The following MAVS variants were observed in gnomAD, a reference collection of about 807,000 sequenced individuals.
MAVS encodes the protein mitochondrial antiviral-signaling protein.
In MAVS, 20 loss-of-function variants were observed where a neutral mutation model predicts 30.2. The observed-to-expected ratio is 0.66, with a 90% CI of 0.47 to 0.96. The LOEUF (loss-of-function observed/expected upper bound fraction) is 0.96. Among genes scored for constraint, MAVS ranks in the 40% least tolerant of loss-of-function variants. The pLI is 0.00. For synonymous variants in MAVS, 278 were observed against 293.9 expected, an observed-to-expected ratio of 0.95 and a Z score of 0.55; for missense variants, 624 against 701.1, an observed-to-expected ratio of 0.89 and a Z score of 1.24.
At chr20:3,853,379 A>G (rs889609492) in intron 1 of MAVS, among the ~76,000 whole-genome samples, 27 of 151,000 alleles carry the variant, frequency 1.8e-4, no homozygotes, top group Non-Finnish European at 3.0e-4. Flanking sequence ...CCAGCTACTC[A>G]GGAGGCTGAG....
rs183333101 is a variant in MAVS at position 3,850,058 on chromosome 20, C to T, written c.-68+3155C>T. 7.2e-3 allele frequency among the ~76,000 whole-genome samples: 1,095 copies of T among 151,392 alleles called. 10 individuals are homozygous for T. The highest frequency in any genetic ancestry group is 0.012 in the Non-Finnish European group (830 of 67,902). ...CTTTGGGAGGCCGAGGCGGGCAGATCACGAGGTCAGGAGATCGAGACCATC... is the reference window on the plus strand; with the variant it reads ...CTTTGGGAGGCCGAGGCGGGCAGATTACGAGGTCAGGAGATCGAGACCATC... On this transcript the variant is annotated intron_variant, in intron 1 of 6. Transcript: ENST00000428216.
chr20:3,856,351 G>A (rs1390973734), intron 2 of MAVS, among the ~76,000 whole-genome samples: 1 of 120,528 alleles, frequency 8.3e-6, no homozygotes, highest in African/African-American at 3.5e-5. Flanking sequence ...ACTGCGCCCA[G>A]CATTTTTTTT....
intron 2 of MAVS, 84 bp from the exon 3 acceptor site, chr20:3,857,551 C>CT: frequency 1.4e-6 from 2 of 1,464,652 alleles, no homozygotes; most frequent in Non-Finnish European, 9.1e-7. Context: ...CTTGGCACCC[C>CT]TCCCCCCGCT....
chr20:3,849,332 C>T (rs952692102), intron 1 of MAVS, among the ~76,000 whole-genome samples: 7 of 152,014 alleles, frequency 4.6e-5, no homozygotes, highest in African/African-American at 1.5e-4. Flanking sequence ...GCCTCAGCCT[C>T]CCGAGTAGCT....
At position 3,866,498 on chromosome 20, in the gene MAVS, C is replaced by A; in HGVS notation, c.*351C>A. The A allele has an allele frequency of 2.6e-6, 1 of 382,424 alleles. No homozygotes were observed. The highest frequency in any genetic ancestry group is 4.8e-6 in the Non-Finnish European group (1 of 206,738). 23.7% of individuals were successfully genotyped at this position (382,424 alleles called of 1,614,324 possible). ...TTGGCCCAGGTGGAGCAGGAGGGAC[C>A]ACTGGAACATGTGGTGCTTGGGAAT... On this transcript the variant is annotated 3_prime_UTR_variant, in exon 7 of 7. Coordinates refer to ENST00000428216, the MANE Select transcript of MAVS (RefSeq NM_020746.5).
intron 3 of MAVS, among the ~76,000 whole-genome samples, chr20:3,858,454 C>T (rs760171262): frequency 1.2e-4 from 18 of 151,904 alleles, no homozygotes; most frequent in African/African-American, 1.7e-4. Context: ...CCGAGGCAGG[C>T]GGATCATGAG....
At chr20:3,848,318 C>T (rs2089727122) in intron 1 of MAVS, among the ~76,000 whole-genome samples, 1 of 152,148 alleles carries the variant, frequency 6.6e-6, no homozygotes, top group African/African-American at 2.4e-5. Flanking sequence ...AGGCTGGTCT[C>T]AAACTCCTGA....
At chr20:3,847,082 T>C (rs2089715412) in intron 1 of MAVS, among the ~76,000 whole-genome samples, 179 bp downstream of exon 1, 1 of 151,440 alleles carries the variant, frequency 6.6e-6, no homozygotes, top group African/African-American at 2.4e-5. Flanking sequence ...GTCGCAAGAG[T>C]TTCGGGAACA....
chr20:3,854,535 A>T, intron 1 of MAVS, 23 bp from the exon 2 acceptor site: 1 of 813,164 alleles, frequency 1.2e-6, no homozygotes, highest in South Asian at 1.7e-5. Context: ...CCCTGTTGTA[A>T]TGTGTGATCT....
intron 1 of MAVS, among the ~76,000 whole-genome samples, chr20:3,851,049 G>C (rs1481192391): frequency 4.6e-5 from 7 of 151,872 alleles, no homozygotes; most frequent in African/African-American, 1.5e-4. Context: ...GGCCAGGCGC[G>C]TTGGCTGGCG....
At chr20:3,849,773 T>C (rs2089742111) in intron 1 of MAVS, among the ~76,000 whole-genome samples, 1 of 152,202 alleles carries the variant, frequency 6.6e-6, no homozygotes, top group Non-Finnish European at 1.5e-5. Context: ...TATCTGGAAC[T>C]CTTATTTGGG....
intron 3 of MAVS, among the ~76,000 whole-genome samples, chr20:3,858,950 C>T (rs2089837577): frequency 6.6e-6 from 1 of 151,838 alleles, no homozygotes; most frequent in South Asian, 2.1e-4. Flanking sequence ...CAGGCATGGA[C>T]AACTACACCT....
At chr20:3,861,025 C>T (rs1483942938) in intron 3 of MAVS, among the ~76,000 whole-genome samples, 3 of 148,172 alleles carry the variant, frequency 2.0e-5, no homozygotes, top group Admixed American at 6.8e-5. Flanking sequence ...CGGAGTCTCG[C>T]TCTGTCGCCC....
intron 1 of MAVS, among the ~76,000 whole-genome samples, chr20:3,847,714 C>T (rs912779509): frequency 1.3e-5 from 2 of 152,196 alleles, no homozygotes; most frequent in African/African-American, 4.8e-5. Flanking sequence ...TCCCTCCCGC[C>T]AAGTGACCTT....
intron 2 of MAVS, among the ~76,000 whole-genome samples, chr20:3,856,986 A>G (rs995254936): frequency 6.7e-6 from 1 of 150,004 alleles, no homozygotes; most frequent in Non-Finnish European, 1.5e-5. Context: ...CAGTAAGCTG[A>G]TATCACGGCA....
At chr20:3,856,732 G>A (rs1472498934) in intron 2 of MAVS, among the ~76,000 whole-genome samples, 1 of 152,002 alleles carries the variant, frequency 6.6e-6, no homozygotes, top group Non-Finnish European at 1.5e-5. Flanking sequence ...TGAGAATTCA[G>A]GTAGACATAA....
intron 2 of MAVS, among the ~76,000 whole-genome samples, chr20:3,855,642 T>C (rs115619321): frequency 0.015 from 2,322 of 152,338 alleles, 71 homozygotes; most frequent in African/African-American, 0.054. Context: ...AGCCCCATTG[T>C]TGTCTCCGCT....
At position 3,866,149 on chromosome 20, in the gene MAVS, G is replaced by A. The variant is rs2146778117; in HGVS notation, c.*2G>A. 5.7e-6 allele frequency: 9 copies of A among 1,575,996 alleles called. No homozygotes were observed. Among genetic ancestry groups the A allele is most frequent in the Non-Finnish European group, 6.9e-6 (8 of 1,164,166 alleles). On this transcript the variant is annotated 3_prime_UTR_variant, in exon 7 of 7. Coordinates refer to ENST00000428216, the MANE Select transcript of MAVS (RefSeq NM_020746.5). ...CTGTACCGGCGGCGTCTGCACTAGT[G>A]AAGCCCTGGGCTCTTCCCACCACCC...
chr20:3,846,933 T>G (rs1341562332), intron 1 of MAVS, 30 bp downstream of exon 1: 1 of 152,422 alleles, frequency 6.6e-6, no homozygotes, highest in Non-Finnish European at 1.5e-5. Context: ...GTTGGGTCCT[T>G]TCGGCTCAGC....
Sources: gnomAD v4.1 joint callset for allele counts (sites outside exome capture counted in the v4.1 genomes callset) on GRCh38, gnomAD v4.1.1 for gene constraint, MANE v1.5 for transcripts, NCBI Gene and HGNC (gene_info 2026-07-23, HGNC 2026-07-21) for gene names.